The following PRPF6 variants were observed in gnomAD, a reference collection of about 807,000 sequenced individuals.
The protein encoded by PRPF6 is pre-mRNA-processing factor 6.
PRPF6 carries 42 observed loss-of-function variants against 118.3 expected under a neutral mutation model. The observed-to-expected ratio is 0.35, with a 90% CI of 0.28 to 0.46. The LOEUF (loss-of-function observed/expected upper bound fraction) is 0.46. Among genes scored for constraint, PRPF6 ranks in the 20% least tolerant of loss-of-function variants. The pLI is 1.00. For synonymous variants in PRPF6, 481 were observed against 485.1 expected (o/e 0.99, Z 0.11); for missense variants, 662 against 1,255.7 (o/e 0.53, Z 7.15).
Position 64,027,801 on chromosome 20 carries a change from C to T in PRPF6, c.2339+65C>T. ...TTCCCCATCAGGTGGGCCGCCGTCA[C>T]CCAGCTGCTTGTGTGGAGTCACTCG... On this transcript the variant is annotated intron_variant, in intron 17 of 20. Coordinates refer to ENST00000266079, the MANE Select transcript of PRPF6 (RefSeq NM_012469.4). The surrounding 1 kb of genome is among the most constrained non-coding windows in gnomAD (Gnocchi z 6.5). 6.2e-7 allele frequency: 1 copy of T among 1,604,788 alleles called. No homozygotes were observed. The highest frequency in any genetic ancestry group is 1.7e-5 in the Admixed American group (1 of 59,998).
At chr20:64,025,297 G>C (rs2059284022) in intron 14 of PRPF6, among the ~76,000 whole-genome samples, 1 of 152,126 alleles carries the variant, frequency 6.6e-6, no homozygotes, top group Non-Finnish European at 1.5e-5. Flanking sequence ...CCCTCCACCT[G>C]CCCGCTCTCT....
At chr20:63,999,977 A>G (rs2059159330) in intron 8 of PRPF6, among the ~76,000 whole-genome samples, 1 of 144,912 alleles carries the variant, frequency 6.9e-6, no homozygotes, top group Non-Finnish European at 1.5e-5. Flanking sequence ...TTGGAGACGG[A>G]GTCTCGCTCT....
At chr20:64,008,730 G>T (rs147405792) in intron 9 of PRPF6, among the ~76,000 whole-genome samples, 5 of 152,288 alleles carry the variant, frequency 3.3e-5, no homozygotes, top group African/African-American at 1.2e-4. Context: ...ATAGATATTT[G>T]ATTTGCTTCC....
chr20:64,001,005 A>T, intron 8 of PRPF6, 72 bp from the exon 9 acceptor site: 1 of 1,532,792 alleles, frequency 6.5e-7, no homozygotes, highest in Non-Finnish European at 9.0e-7. Flanking sequence ...TGCTCTGGAG[A>T]TCTGTGCCTG....
At chr20:63,996,525 A>G (rs773151123) in intron 6 of PRPF6, among the ~76,000 whole-genome samples, 4 of 152,102 alleles carry the variant, frequency 2.6e-5, no homozygotes, top group Admixed American at 6.6e-5. Flanking sequence ...AGGTTGCCCA[A>G]CCTGGGCTGG....
intron 12 of PRPF6, among the ~76,000 whole-genome samples, chr20:64,022,306 T>C (rs2059270385): frequency 6.6e-6 from 1 of 152,198 alleles, no homozygotes; most frequent in African/African-American, 2.4e-5. Context: ...ATTGTGGTTC[T>C]ACTTTCTTTC....
At chr20:64,009,222 A>G (rs1229204608) in intron 9 of PRPF6, among the ~76,000 whole-genome samples, 1 of 139,244 alleles carries the variant, frequency 7.2e-6, no homozygotes, top group East Asian at 2.3e-4. Context: ...CAGAGGTTGC[A>G]GTGAGCCGAG....
chr20:63,997,389 C>A (rs570559539), intron 6 of PRPF6, among the ~76,000 whole-genome samples: 3 of 147,524 alleles, frequency 2.0e-5, no homozygotes, highest in Admixed American at 6.9e-5. Flanking sequence ...CTCTCGGGTT[C>A]AAATGATTCT....
At position 64,031,912 on chromosome 20, in the gene PRPF6, G is replaced by A. The variant is rs1406891415; in HGVS notation, c.2547-6G>A. Reference sequence around the variant, plus strand: ...ACTCTGGGTTCACGTCCTTCTGCTGGAACAGGCTGTTTTGGAGTCAGCGGA... The same window carrying A: ...ACTCTGGGTTCACGTCCTTCTGCTGAAACAGGCTGTTTTGGAGTCAGCGGA... On this transcript the variant is annotated splice_polypyrimidine_tract_variant and splice_region_variant and intron_variant, in intron 19 of 20. Coordinates refer to ENST00000266079, the MANE Select transcript of PRPF6 (RefSeq NM_012469.4). 6.2e-7 allele frequency: 1 copy of A among 1,614,056 alleles called. No individual in the cohort carries two copies. The highest frequency in any genetic ancestry group is 1.3e-5 in the African/African-American group (1 of 75,046).
At position 63,999,670 on chromosome 20, in the gene PRPF6, T is replaced by G; in HGVS notation, c.934T>G (p.Trp312Gly). ...GACGAACCCTCATCACCCGCCAGCC[T>G]GGATTGCATCAGCCCGCCTGGAAGA... ...RETNPHHPPAWIASARLEEVT... is the reference protein window; with the variant it reads ...RETNPHHPPAGIASARLEEVT... The change falls in exon 8 of 21, where the codon TGG becomes GGG. Residue 312 changes from tryptophan to glycine, a missense_variant. Transcript: ENST00000266079. 1 of 1,614,164 alleles carries G rather than the reference T, an allele frequency of 6.2e-7. No homozygotes were observed. Among genetic ancestry groups the G allele is most frequent in the Non-Finnish European group, 8.5e-7 (1 of 1,180,020 alleles).
chr20:63,989,326 T>C (rs1230925541), intron 3 of PRPF6, among the ~76,000 whole-genome samples: 1 of 152,054 alleles, frequency 6.6e-6, no homozygotes. Flanking sequence ...AAAGATTTCT[T>C]GAGTAATACC....
intron 12 of PRPF6, among the ~76,000 whole-genome samples, chr20:64,017,067 C>T (rs756152616): frequency 3.3e-5 from 5 of 152,124 alleles, no homozygotes; most frequent in African/African-American, 7.2e-5. Context: ...CTCAGCCTCC[C>T]GAGTAGCTGG....
rs770426386 is a variant in PRPF6 at position 64,024,569 on chromosome 20, C to T, written c.1784C>T (p.Ala595Val). The change falls in exon 14 of 21, where the codon GCA (alanine) becomes GTA (valine). Residue 595 changes from alanine to valine, a missense_variant. Transcript: ENST00000266079. ...TTATCTTGCAGGGAGTCCCTGGAAG[C>T]ACTCCTGCAGAGGGCTGTGGCCCAC... is the stretch of plus-strand genomic sequence containing the variant. ...KNHGTRESLE[A>V]LLQRAVAHCP... The T allele has an allele frequency of 6.2e-7, 1 of 1,613,528 alleles. No homozygotes were observed. The highest frequency in any genetic ancestry group is 1.1e-5 in the South Asian group (1 of 91,084).
At chr20:64,002,682 C>A (rs1262067858) in intron 9 of PRPF6, among the ~76,000 whole-genome samples, 14 of 141,842 alleles carry the variant, frequency 9.9e-5, no homozygotes. Flanking sequence ...CTCACTTTGT[C>A]CCCCAGGCTG....
chr20:64,017,888 G>C (rs555851489), intron 12 of PRPF6, among the ~76,000 whole-genome samples: 5 of 152,366 alleles, frequency 3.3e-5, no homozygotes, highest in Admixed American at 3.3e-4. Flanking sequence ...AGTGCTGTCA[G>C]GTAACTTCAG....
chr20:63,991,253 G>C (rs2059117285), intron 3 of PRPF6, among the ~76,000 whole-genome samples: 1 of 151,836 alleles, frequency 6.6e-6, no homozygotes, highest in Admixed American at 6.6e-5. Flanking sequence ...GTGAAACCCT[G>C]TCTCTACAAA....
chr20:64,015,523 C>T (rs554413881), intron 11 of PRPF6, among the ~76,000 whole-genome samples: 17 of 152,326 alleles, frequency 1.1e-4, no homozygotes, highest in Admixed American at 2.6e-4. Flanking sequence ...GTTGGCATGC[C>T]GCAGTGGTGC....
At chr20:64,018,707 C>G (rs552187269) in intron 12 of PRPF6, among the ~76,000 whole-genome samples, 1 of 152,130 alleles carries the variant, frequency 6.6e-6, no homozygotes, top group Middle Eastern at 3.4e-3. Context: ...CTCAAGTGAT[C>G]CCACCTCAGC....
chr20:64,024,776 A>G, intron 14 of PRPF6, 83 bp downstream of exon 14: 1 of 1,543,496 alleles, frequency 6.5e-7, no homozygotes, highest in Non-Finnish European at 8.7e-7. Context: ...AAAATCTCCC[A>G]CATACAATGT....
Sources: gnomAD v4.1 joint callset for allele counts (sites outside exome capture counted in the v4.1 genomes callset) on GRCh38, gnomAD v4.1.1 for gene constraint, Gnocchi (gnomAD v3.1) non-coding constraint, MANE v1.5 for transcripts, NCBI Gene and HGNC (gene_info 2026-07-23, HGNC 2026-07-21) for gene names.